SEPTIN9: variants seen among roughly 807,000 people sequenced by gnomAD.
SEPTIN9 encodes the protein septin-9.
Under a neutral mutation model 56.6 loss-of-function variants are expected in SEPTIN9, and 13 were observed. The observed-to-expected ratio is 0.23, with a 90% CI of 0.15 to 0.37. The LOEUF is 0.37. SEPTIN9 is among the 10% of genes least tolerant of loss of function. The pLI is 1.00. For synonymous variants in SEPTIN9, 332 were observed against 334.1 expected (o/e 0.99, Z 0.07); for missense variants, 650 against 823.1 (o/e 0.79, Z 2.57).
At chr17:77,465,982 G>C (rs1483519621) in intron 3 of SEPTIN9, among the ~76,000 whole-genome samples, 1 of 151,782 alleles carries the variant, frequency 6.6e-6, no homozygotes, top group Non-Finnish European at 1.5e-5. Flanking sequence ...GGAAGTGCTG[G>C]GGCCCCCAGG....
chr17:77,360,157 CAAAA>C (rs59677016), intron 2 of SEPTIN9, among the ~76,000 whole-genome samples: 5 of 120,872 alleles, frequency 4.1e-5, no homozygotes, highest in Admixed American at 2.7e-4. Context: ...AACTCTGTCT[CAAAA>C]AAAAAAAAAA....
intron 1 of SEPTIN9, 58 bp downstream of exon 1, chr17:77,281,612 C>T: frequency 6.7e-7 from 1 of 1,481,978 alleles, no homozygotes; most frequent in Non-Finnish European, 9.1e-7. Flanking sequence ...CGCTGCTCAC[C>T]TGAGTGCCTG....
Position 77,490,865 on chromosome 17 carries a change from G to A in SEPTIN9, c.1380+6G>A. On this transcript the variant is annotated splice_donor_region_variant and intron_variant, in intron 8 of 11. Coordinates refer to ENST00000427177, the MANE Select transcript of SEPTIN9 (RefSeq NM_001113491.2). ...GGGTCCACTTCAAACAGCGGGTAGG[G>A]TTCCATCTCTACTTGCCCCAGCCCT... 1.3e-6 allele frequency: 2 copies of A among 1,562,304 alleles called. No homozygotes were observed. Among genetic ancestry groups the A allele is most frequent in the Non-Finnish European group, 1.7e-6 (2 of 1,151,616 alleles).
intron 1 of SEPTIN9, chr17:77,287,831 A>G: frequency 1.0e-6 from 1 of 986,196 alleles, no homozygotes; most frequent in East Asian, 6.7e-5. Context: ...CAGCCTGAAA[A>G]CCTCCAGGAC....
Position 77,402,191 on chromosome 17 carries a change from A to T in SEPTIN9, c.209A>T (p.Asn70Ile). ...AAATTCCAGGACCTGGGCGTGAAGA[A>T]CTCAGAACCCTCGGCCCGCCATGTG... ...TQKFQDLGVKNSEPSARHVDS... is the reference protein window; with the variant it reads ...TQKFQDLGVKISEPSARHVDS... Residue 70 changes from asparagine to isoleucine, a missense_variant, in exon 3 of 12, where the codon AAC becomes ATC. By Grantham distance (149) the Asn-to-Ile change is moderately radical. Coordinates refer to ENST00000427177, the MANE Select transcript of SEPTIN9 (RefSeq NM_001113491.2). The surrounding 1 kb of genome is among the most constrained non-coding windows in gnomAD (Gnocchi z 6.6). 1 of 1,613,604 alleles carries T rather than the reference A, an allele frequency of 6.2e-7. No individual in the cohort carries two copies.
intron 1 of SEPTIN9, among the ~76,000 whole-genome samples, chr17:77,294,114 AAAAAAC>A (rs1385536225): frequency 1.3e-5 from 2 of 150,686 alleles, no homozygotes; most frequent in African/African-American, 2.5e-5. Flanking sequence ...AAAAAAAAAA[AAAAAAC>A]AACAAAAAAA....
Position 77,492,822 on chromosome 17 carries a change from C to G in SEPTIN9, c.1476+106C>G. On this transcript the variant is annotated intron_variant, in intron 9 of 11. Transcript: ENST00000427177. This position sits in a 1 kb window ranked among gnomAD's most constrained non-coding sequence, Gnocchi z 5.4. ...AAGCCATGAAATTATATTCTTGGGG[C>G]CAGAGGGCACTGAGCCCAGGTGTCT... is the stretch of plus-strand genomic sequence containing the variant. 8.0e-7 allele frequency: 1 copy of G among 1,250,310 alleles called. No homozygotes were observed. Among genetic ancestry groups the G allele is most frequent in the South Asian group, 1.2e-5 (1 of 82,446 alleles). 77.5% of individuals were successfully genotyped at this position (1,250,310 alleles called of 1,614,324 possible). A position where few individuals can be genotyped will look rare whatever the true frequency, so the allele number is the denominator to read the frequency against.
chr17:77,404,039 C>G (rs1047959915), intron 3 of SEPTIN9, among the ~76,000 whole-genome samples: 1 of 152,168 alleles, frequency 6.6e-6, no homozygotes, highest in Non-Finnish European at 1.5e-5. Flanking sequence ...ACAATAACTG[C>G]CCATTTTGTG....
At chr17:77,441,611 G>A (rs2037549910) in intron 3 of SEPTIN9, among the ~76,000 whole-genome samples, 1 of 152,234 alleles carries the variant, frequency 6.6e-6, no homozygotes, top group African/African-American at 2.4e-5. Flanking sequence ...GCTTCAGGGT[G>A]GCTACCGCTT....
At position 77,369,807 on chromosome 17, in the gene SEPTIN9, T is replaced by A. The variant is rs1472334688; in HGVS notation, c.77-32252T>A. 6.6e-6 allele frequency among the ~76,000 whole-genome samples: 1 copy of A among 152,194 alleles called. No individual in the cohort carries two copies. The highest frequency in any genetic ancestry group is 1.5e-5 in the Non-Finnish European group (1 of 68,022). ...CAGCTGAGCCTCTCCATGGAGGCTG[T>A]GCCTGGAGGGGGGTCATGGATATGG... On this transcript the variant is annotated intron_variant, in intron 2 of 11. Coordinates refer to ENST00000427177, the MANE Select transcript of SEPTIN9 (RefSeq NM_001113491.2). This position sits in a 1 kb window ranked among gnomAD's most constrained non-coding sequence, Gnocchi z 4.9.
At chr17:77,489,317 G>T (rs1230177544) in intron 7 of SEPTIN9, among the ~76,000 whole-genome samples, 1 of 152,216 alleles carries the variant, frequency 6.6e-6, no homozygotes, top group Non-Finnish European at 1.5e-5. Context: ...TCCAGGGCTG[G>T]ACGGGGCTGC....
chr17:77,289,407 C>CT (rs572213399), intron 1 of SEPTIN9, among the ~76,000 whole-genome samples: 17,893 of 102,510 alleles, frequency 0.17, 2,238 homozygotes, highest in African/African-American at 0.33. Context: ...TGCATTTATG[C>CT]TTTTTTTTTT....
chr17:77,490,909 G>A (rs1053413982), intron 8 of SEPTIN9, 50 bp downstream of exon 8: 44 of 1,402,090 alleles, frequency 3.1e-5, no homozygotes, highest in African/African-American at 4.3e-5. Flanking sequence ...ACCTGGAGAC[G>A]CTGCAGGCCT....
intron 2 of SEPTIN9, among the ~76,000 whole-genome samples, chr17:77,370,895 G>A (rs762233248): frequency 2.0e-5 from 3 of 152,188 alleles, no homozygotes; most frequent in East Asian, 1.9e-4. Context: ...ATGATTAAAG[G>A]GCTAGAGAAA....
intron 3 of SEPTIN9, among the ~76,000 whole-genome samples, chr17:77,452,031 CG>C (rs1293329354): frequency 2.0e-5 from 3 of 152,318 alleles, no homozygotes; most frequent in Admixed American, 1.3e-4. Flanking sequence ...CGAAGCTCCC[CG>C]CGGCGCCGGC....
rs562261603 is a variant in SEPTIN9, at chr17:77,400,478, G to C, written c.77-1581G>C. On this transcript the variant is annotated intron_variant, in intron 2 of 11. Transcript: ENST00000427177. The surrounding 1 kb of genome is among the most constrained non-coding windows in gnomAD (Gnocchi z 4.1). Reference sequence around the variant, plus strand: ...GAGGTGCCTGTGGCTTAGAGAGGGCGCCCACAGGAGTGCCTTGCCCAGGAA... The same window carrying C: ...GAGGTGCCTGTGGCTTAGAGAGGGCCCCCACAGGAGTGCCTTGCCCAGGAA... The C allele has an allele frequency of 6.6e-6, 1 of 152,142 alleles. No individual in the cohort carries two copies. Among genetic ancestry groups the C allele is most frequent in the Non-Finnish European group, 1.5e-5 (1 of 68,030 alleles). The allele number at this position is 152,142 out of a possible 1,614,324, so 9.4% of individuals were successfully genotyped here. A position where few individuals can be genotyped will look rare whatever the true frequency, so the allele number is the denominator to read the frequency against.
At chr17:77,446,364 CTCT>C (rs2144373962) in intron 3 of SEPTIN9, 2 of 160,406 alleles carry the variant, frequency 1.2e-5, no homozygotes, top group Admixed American at 1.3e-4. Context: ...CTCTGCCTTC[CTCT>C]TTTTTTTTTT....
chr17:77,289,557 C>T (rs1401908639), intron 1 of SEPTIN9, among the ~76,000 whole-genome samples: 4 of 151,792 alleles, frequency 2.6e-5, no homozygotes, highest in East Asian at 1.9e-4. Flanking sequence ...TACAGGCCTG[C>T]GTCACCATGC....
intron 2 of SEPTIN9, among the ~76,000 whole-genome samples, chr17:77,401,620 C>T (rs1022506873): frequency 1.3e-5 from 2 of 152,012 alleles, no homozygotes; most frequent in African/African-American, 4.8e-5. Context: ...GTGGCCCGTG[C>T]CTATAATCCC....
Sources: gnomAD v4.1 joint callset for allele counts (sites outside exome capture counted in the v4.1 genomes callset) on GRCh38, gnomAD v4.1.1 for gene constraint, Gnocchi (gnomAD v3.1) non-coding constraint, MANE v1.5 for transcripts, NCBI Gene and HGNC (gene_info 2026-07-23, HGNC 2026-07-21) for gene names.